LRRC7: variants seen among roughly 807,000 people sequenced by gnomAD.
The protein encoded by LRRC7 is leucine-rich repeat-containing protein 7.
A neutral mutation model predicts 175.7 loss-of-function variants in LRRC7; 23 were observed. The ratio of observed to expected loss-of-function variants is 0.13; its 90% confidence interval spans 0.09 to 0.19. The LOEUF (loss-of-function observed/expected upper bound fraction) is 0.19. Ranked by LOEUF, LRRC7 falls within the 10% of genes least tolerant of loss-of-function variation. The pLI is 1.00. For missense variants in LRRC7, 1,354 were observed against 1,904.7 expected (o/e 0.71, Z 5.38); for synonymous variants, 685 against 680.9 (o/e 1.01, Z -0.09).
intron 23 of LRRC7, among the ~76,000 whole-genome samples, 185 bp downstream of exon 23, chr1:70,053,330 A>G (rs1013316311): frequency 2.6e-5 from 4 of 152,158 alleles, no homozygotes; most frequent in South Asian, 2.1e-4. Context: ...AACACTGCCA[A>G]CTGTTCAAAG....
At chr1:69,757,270 C>T (rs1670535313) in intron 2 of LRRC7, among the ~76,000 whole-genome samples, 1 of 151,914 alleles carries the variant, frequency 6.6e-6, no homozygotes, top group Non-Finnish European at 1.5e-5. Flanking sequence ...TCCCACCTTC[C>T]AACCAGAAAT....
intron 2 of LRRC7, among the ~76,000 whole-genome samples, chr1:69,734,683 T>A (rs1041331510): frequency 6.6e-6 from 1 of 151,962 alleles, no homozygotes; most frequent in Non-Finnish European, 1.5e-5. Context: ...TGGGTAGAAT[T>A]ATTCTTTAAG....
intron 8 of LRRC7, among the ~76,000 whole-genome samples, chr1:69,942,031 C>T (rs949696783): frequency 5.9e-5 from 9 of 152,094 alleles, no homozygotes; most frequent in African/African-American, 2.4e-5. Context: ...CCACCACCTA[C>T]GTACTTATAG....
At chr1:69,620,125 C>G (rs981553016) in intron 1 of LRRC7, among the ~76,000 whole-genome samples, 1 of 152,128 alleles carries the variant, frequency 6.6e-6, no homozygotes, top group East Asian at 1.9e-4. Flanking sequence ...ATATGATAAG[C>G]CAGCTATCTT....
chr1:69,806,858 C>A (rs1204834977), intron 4 of LRRC7, among the ~76,000 whole-genome samples: 1 of 151,938 alleles, frequency 6.6e-6, no homozygotes, highest in Non-Finnish European at 1.5e-5. Flanking sequence ...TTTCCATCAT[C>A]TTCTCTATAA....
intron 3 of LRRC7, among the ~76,000 whole-genome samples, chr1:69,781,159 AT>A (rs1367557822): frequency 6.6e-6 from 1 of 152,172 alleles, no homozygotes; most frequent in African/African-American, 2.4e-5. Flanking sequence ...CCAAAGTGCT[AT>A]AACATATACT....
intron 1 of LRRC7, among the ~76,000 whole-genome samples, chr1:69,669,948 T>G (rs970473527): frequency 1.3e-5 from 2 of 152,186 alleles, no homozygotes; most frequent in African/African-American, 4.8e-5. Context: ...CATCTCTTAG[T>G]TAAATTTGTC....
intron 1 of LRRC7, chr1:69,606,745 C>T (rs1335506294): frequency 6.6e-6 from 1 of 152,012 alleles, no homozygotes. Flanking sequence ...AGATTCTTTC[C>T]TTGAGCAATA....
At chr1:69,702,619 T>A (rs1663504163) in intron 2 of LRRC7, among the ~76,000 whole-genome samples, 1 of 152,108 alleles carries the variant, frequency 6.6e-6, no homozygotes, top group African/African-American at 2.4e-5. Flanking sequence ...ACTTTTTAAT[T>A]CTTGACATGG....
At chr1:69,685,130 G>A (rs910337324) in intron 2 of LRRC7, among the ~76,000 whole-genome samples, 5 of 152,182 alleles carry the variant, frequency 3.3e-5, no homozygotes, top group African/African-American at 1.2e-4. Flanking sequence ...GACAGTGCCA[G>A]AAGAATGAAG....
intron 1 of LRRC7, among the ~76,000 whole-genome samples, chr1:69,600,530 A>T (rs1647011146): frequency 6.6e-6 from 1 of 152,188 alleles, no homozygotes; most frequent in African/African-American, 2.4e-5. Flanking sequence ...GAGATAAAGT[A>T]CCATCTATAT....
Position 69,799,079 on chromosome 1 carries a change from A to G in LRRC7, c.421+6919A>G, listed in dbSNP as rs180913054. On this transcript the variant is annotated intron_variant, in intron 4 of 26. Transcript: ENST00000651989. ...TCTTTTAGGTTTTTGGTGACTTGAA[A>G]GATTTATATACTCTGAATGCTAGTT... Among the ~76,000 whole-genome samples, 148 of 147,410 alleles carry G rather than the reference A, an allele frequency of 1.0e-3. 2 individuals are homozygous for G. Among genetic ancestry groups the G allele is most frequent in the Admixed American group, 9.6e-3 (142 of 14,770 alleles).
chr1:69,708,551 G>A (rs1160996386), intron 2 of LRRC7, among the ~76,000 whole-genome samples: 1 of 152,180 alleles, frequency 6.6e-6, no homozygotes, highest in Non-Finnish European at 1.5e-5. Flanking sequence ...AGTTATTAGT[G>A]TAATAGTGTG....
intron 7 of LRRC7, among the ~76,000 whole-genome samples, chr1:69,866,034 A>G (rs1684917707): frequency 6.6e-6 from 1 of 152,206 alleles, no homozygotes; most frequent in Admixed American, 6.5e-5. Context: ...GCAAGATGAA[A>G]CATTCTCAAA....
Position 70,126,838 on chromosome 1 carries a change from G to T in LRRC7, c.*4951G>T, listed in dbSNP as rs566879243. 6.6e-6 allele frequency among the ~76,000 whole-genome samples: 1 copy of T among 152,132 alleles called. No homozygotes were observed. The highest frequency in any genetic ancestry group is 2.4e-5 in the African/African-American group (1 of 41,428). ...CCAGTCATATCCTGAACCTTCTGGG[G>T]GCATTTCTGTTTCTAGCGTGTAAAA... On this transcript the variant is annotated 3_prime_UTR_variant, in exon 27 of 27. Coordinates refer to ENST00000651989, the MANE Select transcript of LRRC7 (RefSeq NM_001370785.2).
At chr1:69,669,402 T>C (rs1658732490) in intron 1 of LRRC7, among the ~76,000 whole-genome samples, 1 of 152,186 alleles carries the variant, frequency 6.6e-6, no homozygotes, top group African/African-American at 2.4e-5. Context: ...CATTCTCTCA[T>C]GGCCTATAAA....
At chr1:70,117,839 A>G (rs1025712165) in intron 26 of LRRC7, among the ~76,000 whole-genome samples, 2 of 152,174 alleles carry the variant, frequency 1.3e-5, no homozygotes, top group African/African-American at 4.8e-5. Context: ...TAGTGTGTTT[A>G]TATAAAACAT....
chr1:69,778,561 G>C (rs1252600529), intron 3 of LRRC7, among the ~76,000 whole-genome samples: 1 of 152,104 alleles, frequency 6.6e-6, no homozygotes, highest in African/African-American at 2.4e-5. Context: ...AGGTCCACCT[G>C]GCAGAAGTGC....
chr1:69,695,872 A>C (rs1170179571), intron 2 of LRRC7, among the ~76,000 whole-genome samples: 1 of 152,228 alleles, frequency 6.6e-6, no homozygotes, highest in Non-Finnish European at 1.5e-5. Context: ...GAAGCTTAGC[A>C]GCTTCCACCT....
Sources: gnomAD v4.1 joint callset for allele counts (sites outside exome capture counted in the v4.1 genomes callset) on GRCh38, gnomAD v4.1.1 for gene constraint, MANE v1.5 for transcripts, NCBI Gene and HGNC (gene_info 2026-07-23, HGNC 2026-07-21) for gene names.